Variants in CUL1 observed in about 807,000 individuals in gnomAD.
The protein encoded by CUL1 is cullin 1.
Under a neutral mutation model 118.0 loss-of-function variants are expected in CUL1, and 24 were observed. The ratio of observed to expected loss-of-function variants is 0.20; its 90% CI spans 0.15 to 0.29. The LOEUF is 0.29. CUL1 is among the 10% of genes least tolerant of loss of function. The pLI is 1.00. For missense variants in CUL1, 361 were observed against 933.8 expected (o/e 0.39, Z 7.99); for synonymous variants, 332 against 340.4 (o/e 0.98, Z 0.27).
chr7:148,780,737 T>C (rs1800597598), intron 9 of CUL1, among the ~76,000 whole-genome samples: 1 of 152,264 alleles, frequency 6.6e-6, no homozygotes, highest in Admixed American at 6.5e-5. Flanking sequence ...GGAGATGTCC[T>C]GTTTCTTACA....
At chr7:148,780,771 C>CAG (rs1261440474) in intron 9 of CUL1, among the ~76,000 whole-genome samples, 1 of 152,228 alleles carries the variant, frequency 6.6e-6, no homozygotes, top group African/African-American at 2.4e-5. Flanking sequence ...CGTGAATACA[C>CAG]AGAGGGTCCT....
intron 17 of CUL1, 67 bp downstream of exon 17, chr7:148,792,885 G>A (rs1050005082): frequency 1.8e-6 from 2 of 1,140,244 alleles, no homozygotes; most frequent in African/African-American, 1.5e-5. Context: ...ATATTGTTAG[G>A]AAAGATAAGG....
At chr7:148,781,203 C>T (rs1800620072) in intron 9 of CUL1, among the ~76,000 whole-genome samples, 1 of 150,814 alleles carries the variant, frequency 6.6e-6, no homozygotes, top group Non-Finnish European at 1.5e-5. Context: ...GCCTCAGCCT[C>T]CCGAGTAGCT....
Position 148,760,513 on chromosome 7 carries a change from T to A in CUL1, c.789+17T>A. The A allele has an allele frequency of 1.9e-6, 3 of 1,571,542 alleles. No homozygotes were observed. The African/African-American group carries it at 4.1e-5, about 21-fold the overall frequency. ...ATGAAAAAGGTAAGCTTAAATATAG[T>A]ACTTTAAGTAGACTTAAGTTAAAGT... On this transcript the variant is annotated intron_variant, in intron 7 of 21. Transcript: ENST00000325222.
intron 9 of CUL1, among the ~76,000 whole-genome samples, chr7:148,777,300 T>C (rs1275491273): frequency 1.3e-5 from 2 of 152,202 alleles, no homozygotes; most frequent in South Asian, 2.1e-4. Flanking sequence ...AGAGCCATGA[T>C]TCCAAGATAG....
At chr7:148,736,878 C>T (rs1277814318) in intron 2 of CUL1, among the ~76,000 whole-genome samples, 1 of 152,212 alleles carries the variant, frequency 6.6e-6, no homozygotes, top group East Asian at 1.9e-4. Context: ...ACCATCAGCA[C>T]ATGCTCCTGC....
At position 148,733,857 on chromosome 7, in the gene CUL1, GT is replaced by G. The variant is rs766321594; in HGVS notation, c.140+3603del. On this transcript the variant is annotated intron_variant, in intron 2 of 21. Coordinates refer to ENST00000325222, the MANE Select transcript of CUL1 (RefSeq NM_003592.3). ...TCTATCCTGGAGGAGAAAATTGTGT[GT>G]TTTTTTTAGAAAAAGCAACTACTTC... Among the ~76,000 whole-genome samples, 5 of 151,928 alleles carry G rather than the reference GT, an allele frequency of 3.3e-5. No individual in the cohort carries two copies. The East Asian group carries it at 9.7e-4, about 29-fold the overall frequency.
At chr7:148,795,631 G>A (rs1214395668) in intron 17 of CUL1, among the ~76,000 whole-genome samples, 7 of 151,998 alleles carry the variant, frequency 4.6e-5, no homozygotes, top group African/African-American at 9.7e-5. Context: ...TTAGCCGGGC[G>A]TGGTGGCAGG....
At chr7:148,763,696 T>TA (rs1799911231) in intron 7 of CUL1, among the ~76,000 whole-genome samples, 1 of 152,198 alleles carries the variant, frequency 6.6e-6, no homozygotes, top group African/African-American at 2.4e-5. Flanking sequence ...GTATTACAAA[T>TA]ATACATCCCA....
At chr7:148,707,007 ATATATCT>A (rs1040206914) in intron 1 of CUL1, among the ~76,000 whole-genome samples, 19 of 152,204 alleles carry the variant, frequency 1.2e-4, no homozygotes, top group African/African-American at 4.3e-4. Context: ...TTACAGGGAG[ATATATCT>A]TATAGGGTAT....
chr7:148,743,047 A>G (rs1335804494), intron 2 of CUL1, among the ~76,000 whole-genome samples: 2 of 152,238 alleles, frequency 1.3e-5, no homozygotes, highest in Admixed American at 1.3e-4. Flanking sequence ...TTATATAGGA[A>G]GATATTGTTT....
chr7:148,791,911 C>T (rs1962809), intron 16 of CUL1, among the ~76,000 whole-genome samples: 23,706 of 152,182 alleles, frequency 0.16, 1,952 homozygotes, highest in East Asian at 0.23. Context: ...ACTTTAGGGC[C>T]GGGTGCAGTG....
At position 148,800,761 on chromosome 7, in the gene CUL1, A is replaced by C; in HGVS notation, c.*179A>C. The C allele has an allele frequency of 1.8e-6, 1 of 562,156 alleles. No homozygotes were observed. The highest frequency in any genetic ancestry group is 3.2e-6 in the Non-Finnish European group (1 of 316,074). 34.8% of individuals were successfully genotyped at this position (562,156 alleles called of 1,614,324 possible). On this transcript the variant is annotated 3_prime_UTR_variant, in exon 22 of 22. Coordinates refer to ENST00000325222, the MANE Select transcript of CUL1 (RefSeq NM_003592.3). The surrounding 1 kb of genome is among the most constrained non-coding windows in gnomAD (Gnocchi z 4.6). ...CATCGGAACTGCTCAGGATTGATAC[A>C]TTTCAAGTCTGTAAATACGGACACC...
In CUL1 at chr7:148,725,198, T is replaced by TACACAC. The variant is rs147863334; in HGVS notation, c.-161-4755_-161-4750dup. 3.8e-3 allele frequency among the ~76,000 whole-genome samples: 405 copies of TACACAC among 106,822 alleles called. 6 individuals carry two copies. The highest frequency in any genetic ancestry group is 0.012 in the African/African-American group (377 of 31,540). 70.1% of individuals were successfully genotyped at this position (106,822 alleles called of 152,430 possible). ...GGCATGCAGCGCACATGCGCGCGTG[T>TACACAC]ACACACACACACACGCGCGCGCTCA... On this transcript the variant is annotated intron_variant, in intron 1 of 21. Coordinates refer to ENST00000325222, the MANE Select transcript of CUL1 (RefSeq NM_003592.3).
chr7:148,790,175 C>G, intron 15 of CUL1, 135 bp from the exon 16 acceptor site: 1 of 934,272 alleles, frequency 1.1e-6, no homozygotes. Context: ...GAGGCAGACA[C>G]CTGGCGTTTG....
chr7:148,742,366 T>C (rs925943149), intron 2 of CUL1, among the ~76,000 whole-genome samples: 5 of 152,110 alleles, frequency 3.3e-5, no homozygotes, highest in Non-Finnish European at 7.4e-5. Flanking sequence ...AGAGAGCTTA[T>C]GCAGGGAAAC....
chr7:148,751,382 T>C (rs1799485156), intron 2 of CUL1, among the ~76,000 whole-genome samples: 1 of 151,946 alleles, frequency 6.6e-6, no homozygotes, highest in South Asian at 2.1e-4. Context: ...ACCCTGTCTC[T>C]ACTAAAAATA....
chr7:148,734,037 AAAAG>A (rs374020048), intron 2 of CUL1, among the ~76,000 whole-genome samples: 6,606 of 97,520 alleles, frequency 0.068, 162 homozygotes, highest in Non-Finnish European at 0.1. Context: ...GCCAAAAAAA[AAAAG>A]AAAAGAAAAG....
At chr7:148,748,139 A>G (rs1799361790) in intron 2 of CUL1, among the ~76,000 whole-genome samples, 1 of 152,208 alleles carries the variant, frequency 6.6e-6, no homozygotes. Flanking sequence ...AGGGAGGAAA[A>G]CCGGAAACAT....
Sources: allele counts gnomAD v4.1 joint callset (sites outside exome capture counted in the v4.1 genomes callset), GRCh38; gene constraint gnomAD v4.1.1; non-coding constraint Gnocchi (gnomAD v3.1); transcripts MANE v1.5; gene names NCBI Gene and HGNC (gene_info 2026-07-23, HGNC 2026-07-21).